Variants in PCDHGA8 observed in about 807,000 individuals in gnomAD.
PCDHGA8 encodes protocadherin gamma-A8.
A neutral mutation model predicts 59.2 loss-of-function variants in PCDHGA8; 45 were observed. The observed-to-expected ratio is 0.76, with a 90% CI of 0.60 to 0.98. PCDHGA8 has a LOEUF of 0.98. PCDHGA8 is among the 50% of genes least tolerant of loss of function. The pLI is 0.00. For synonymous variants in PCDHGA8, 531 were observed against 519.0 expected, an observed-to-expected ratio of 1.02 and a Z score of -0.32; for missense variants, 1,257 against 1,196.2, an observed-to-expected ratio of 1.05 and a Z score of -0.75.
Position 141,489,352 on chromosome 5 carries a change from G to A in PCDHGA8, c.2425-5455G>A, listed in dbSNP as rs1336068787. 1.9e-6 allele frequency: 3 copies of A among 1,612,152 alleles called. No homozygotes were observed. In the Admixed American group the frequency reaches 5.0e-5, roughly 27 times the overall value. On this transcript the variant is annotated intron_variant, in intron 1 of 3. Transcript: ENST00000398604. The surrounding 1 kb of genome is among the most constrained non-coding windows in gnomAD (Gnocchi z 4.5). ...GCAGCTTCGTTACTCAGTGGTGGAG[G>A]AGTCTGAGCCGGGGACGCTGGTGGG...
At chr5:141,398,177 T>C (rs2093620975) in intron 1 of PCDHGA8, 11 of 1,473,994 alleles carry the variant, frequency 7.5e-6, no homozygotes, top group African/African-American at 2.9e-5. Context: ...CTGCCAGTGC[T>C]CTTTCTCTTC....
intron 1 of PCDHGA8, among the ~76,000 whole-genome samples, chr5:141,462,903 T>A (rs1455334521): frequency 6.6e-6 from 1 of 152,208 alleles, no homozygotes; most frequent in Non-Finnish European, 1.5e-5. Context: ...GGAAGGCTAT[T>A]ATGTTTTTTG....
chr5:141,491,901 G>C lies in PCDHGA8; in HGVS notation c.2425-2906G>C, dbSNP rs1196717010. 1 of 1,429,696 alleles carries C rather than the reference G, an allele frequency of 7.0e-7. No homozygotes were observed. The highest frequency in any genetic ancestry group is 9.3e-7 in the Non-Finnish European group (1 of 1,080,148). 88.6% of individuals were successfully genotyped at this position (1,429,696 alleles called of 1,614,324 possible). ...AAGGGATGGGGCTCCGAGCACCGGG[G>C]GTGGTGGCGACTGTGGGCGAGGGGA... On this transcript the variant is annotated intron_variant, in intron 1 of 3. Transcript: ENST00000398604. The surrounding 1 kb of genome is among the most constrained non-coding windows in gnomAD (Gnocchi z 6.9).
intron 2 of PCDHGA8, among the ~76,000 whole-genome samples, chr5:141,497,393 CT>C (rs1035907100): frequency 2.1e-4 from 32 of 152,254 alleles, no homozygotes; most frequent in African/African-American, 7.5e-4. Context: ...CACCTTACCC[CT>C]GCCTCAACTC....
intron 2 of PCDHGA8, among the ~76,000 whole-genome samples, chr5:141,505,177 A>G (rs917485235): frequency 6.6e-6 from 1 of 152,180 alleles, no homozygotes; most frequent in East Asian, 1.9e-4. Flanking sequence ...AAAAGAAAAA[A>G]GCATCGGAGG....
In PCDHGA8 at chr5:141,487,102, G is replaced by C; in HGVS notation, c.2425-7705G>C. The C allele has an allele frequency of 6.2e-7, 1 of 1,613,900 alleles. No homozygotes were observed. Among genetic ancestry groups the C allele is most frequent in the Non-Finnish European group, 8.5e-7 (1 of 1,179,818 alleles). ...CAGCTGACCTCCCACCACAGAAGCTGGTCATTGTGGTAAAGGATAGTGGTA... is the reference window on the plus strand; with the variant it reads ...CAGCTGACCTCCCACCACAGAAGCTCGTCATTGTGGTAAAGGATAGTGGTA... On this transcript the variant is annotated intron_variant, in intron 1 of 3. Transcript: ENST00000398604. This position sits in a 1 kb window ranked among gnomAD's most constrained non-coding sequence, Gnocchi z 5.0.
At chr5:141,496,886 C>T (rs1562175671) in intron 2 of PCDHGA8, among the ~76,000 whole-genome samples, 1 of 135,246 alleles carries the variant, frequency 7.4e-6, no homozygotes, top group African/African-American at 2.9e-5. Context: ...ACAAGTAACA[C>T]TTAAAAAAAA....
intron 1 of PCDHGA8, chr5:141,422,866 G>C: frequency 1.2e-6 from 2 of 1,614,216 alleles, no homozygotes; most frequent in Non-Finnish European, 8.5e-7. Context: ...CAGCAGCAAC[G>C]TGTCGCTGAG....
rs2092730399 is a variant in PCDHGA8 at position 141,393,331 on chromosome 5, G to A, written c.518G>A (p.Ser173Asn). The A allele has an allele frequency of 6.2e-7, 1 of 1,613,860 alleles. No individual in the cohort carries two copies. ...AACTCCCTCCAGAGCTACCAGCTCA[G>A]CCCCAATCACCACTTCTCCCTGGAC... is the stretch of plus-strand genomic sequence containing the variant. ...GVNSLQSYQL[S>N]PNHHFSLDVQ... The change falls in exon 1 of 4, where the codon AGC becomes AAC. Residue 173 changes from serine (S) to asparagine (N), a missense_variant. Ser to Asn is a conservative substitution (Grantham distance 46, BLOSUM62 1). Transcript: ENST00000398604.
rs1485715812 is a variant in PCDHGA8, at chr5:141,485,804, G to T, written c.2425-9003G>T. The T allele has an allele frequency of 6.2e-7, 1 of 1,614,218 alleles. No individual in the cohort carries two copies. The highest frequency in any genetic ancestry group is 1.7e-5 in the Admixed American group (1 of 60,026). ...AGAGAAGCAATCGGACTACCGCCTG[G>T]TGCTGACTGCTGTCGATGGAGGGAA... On this transcript the variant is annotated intron_variant, in intron 1 of 3. Coordinates refer to ENST00000398604, the MANE Select transcript of PCDHGA8 (RefSeq NM_032088.2). This position sits in a 1 kb window ranked among gnomAD's most constrained non-coding sequence, Gnocchi z 5.7.
At chr5:141,420,808 G>A (rs539942896) in intron 1 of PCDHGA8, among the ~76,000 whole-genome samples, 2 of 152,288 alleles carry the variant, frequency 1.3e-5, no homozygotes, top group Admixed American at 6.5e-5. Flanking sequence ...AATTAAGCAA[G>A]CCCTTTTAAT....
Position 141,475,863 on chromosome 5 carries a change from C to G in PCDHGA8, c.2425-18944C>G, listed in dbSNP as rs1037784260. On this transcript the variant is annotated intron_variant, in intron 1 of 3. Transcript: ENST00000398604. ...TCAGAGAGCCCGGCGCTAGCTCATT[C>G]TTCGTGCAGTTATTGGCTGGGACTC... is the stretch of plus-strand genomic sequence containing the variant. 1.4e-5 allele frequency: 7 copies of G among 499,790 alleles called. 1 individual carries two copies. The highest frequency in any genetic ancestry group is 1.4e-4 in the African/African-American group (7 of 51,600). The allele number at this position is 499,790 out of a possible 1,614,324, so 31.0% of individuals were successfully genotyped here. A position where few individuals can be genotyped will look rare whatever the true frequency, so the allele number is the denominator to read the frequency against.
At position 141,408,728 on chromosome 5, in the gene PCDHGA8, C is replaced by T. The variant is rs371316574; in HGVS notation, c.2424+13491C>T. ...TAAAGATTATAAGATAAACTCTAAT[C>T]CTTATTTTTCATTAATGGTTAGAGT... On this transcript the variant is annotated intron_variant, in intron 1 of 3. Transcript: ENST00000398604. 6.2e-7 allele frequency: 1 copy of T among 1,610,292 alleles called. No homozygotes were observed. Among genetic ancestry groups the T allele is most frequent in the African/African-American group, 1.3e-5 (1 of 74,802 alleles).
intron 1 of PCDHGA8, chr5:141,419,649 A>C: frequency 6.2e-7 from 1 of 1,612,422 alleles, no homozygotes; most frequent in Non-Finnish European, 8.5e-7. Context: ...GTGGACGCGG[A>C]CTCGGGGCAC....
At chr5:141,483,648 T>TTGTGTGTGTGTGTG (rs111458813) in intron 1 of PCDHGA8, among the ~76,000 whole-genome samples, 2 of 149,592 alleles carry the variant, frequency 1.3e-5, no homozygotes, top group Non-Finnish European at 3.0e-5. Context: ...GGGTGTGTGT[T>TTGTGTGTGTGTGTG]TGTGTGTGTG....
At chr5:141,474,888 G>T (rs1349812637) in intron 1 of PCDHGA8, among the ~76,000 whole-genome samples, 1 of 152,176 alleles carries the variant, frequency 6.6e-6, no homozygotes, top group Non-Finnish European at 1.5e-5. Context: ...ACTCTTAGAG[G>T]TTCATTTCTT....
chr5:141,396,179 C>G (rs948602586), intron 1 of PCDHGA8: 1 of 152,178 alleles, frequency 6.6e-6, no homozygotes, highest in African/African-American at 2.4e-5. Context: ...CTTGGCTGGA[C>G]ACAGTGCCTC....
At chr5:141,501,983 C>T (rs957901405) in intron 2 of PCDHGA8, among the ~76,000 whole-genome samples, 1 of 152,068 alleles carries the variant, frequency 6.6e-6, no homozygotes, top group Non-Finnish European at 1.5e-5. Context: ...CATCTGGTCC[C>T]GTTGTCTCCC....
chr5:141,405,273 A>G (rs762280864), intron 1 of PCDHGA8: 5 of 1,613,974 alleles, frequency 3.1e-6, no homozygotes, highest in African/African-American at 2.7e-5. Context: ...CCCCAGCCCA[A>G]CTATGCAGAC....
Sources: allele counts gnomAD v4.1 joint callset (sites outside exome capture counted in the v4.1 genomes callset), GRCh38; gene constraint gnomAD v4.1.1; non-coding constraint Gnocchi (gnomAD v3.1); transcripts MANE v1.5; gene names NCBI Gene and HGNC (gene_info 2026-07-23, HGNC 2026-07-21).